The following PRKAR1A variants were observed in gnomAD, a reference collection of about 807,000 sequenced individuals.
PRKAR1A encodes protein kinase cAMP-dependent type I regulatory subunit alpha, also known as cAMP-dependent protein kinase type I-alpha regulatory subunit.
Under a neutral mutation model 52.0 loss-of-function variants are expected in PRKAR1A, and 3 were observed. The observed-to-expected ratio is 0.06, with a 90% CI of 0.03 to 0.15. PRKAR1A has a LOEUF of 0.15. PRKAR1A is among the 10% of genes least tolerant of loss of function. PRKAR1A has a pLI of 1.00. For synonymous variants in PRKAR1A, 188 were observed against 168.4 expected, an observed-to-expected ratio of 1.12 and a Z score of -0.90; for missense variants, 240 against 477.4, an observed-to-expected ratio of 0.50 and a Z score of 4.63.
chr17:68,427,318 CA>C, the PRKAR1A span: 1 of 1,249,118 alleles, frequency 8.0e-7, no homozygotes, highest in Non-Finnish European at 1.2e-6. Context: ...GGACACCTTC[CA>C]AAGGAAAAGC....
chr17:68,434,535 G>A, the PRKAR1A span: 2 of 1,613,172 alleles, frequency 1.2e-6, no homozygotes, highest in African/African-American at 1.3e-5. Flanking sequence ...CTTTAAAATG[G>A]GTTTGACATT....
chr17:68,442,738 A>AG, the PRKAR1A span, among the ~76,000 whole-genome samples: 1 of 152,158 alleles, frequency 6.6e-6, no homozygotes, highest in Non-Finnish European at 1.5e-5. Flanking sequence ...TCCTGATCAG[A>AG]AGAGCACATG....
the PRKAR1A span, among the ~76,000 whole-genome samples, chr17:68,487,026 A>G: frequency 2.3e-4 from 35 of 152,004 alleles, no homozygotes; most frequent in African/African-American, 8.5e-4. Context: ...GGTTTCTGCC[A>G]CCGCACCCGG....
intron 1 of PRKAR1A, chr17:68,515,137 C>T (rs1347714183): frequency 2.0e-6 from 1 of 490,774 alleles, no homozygotes; most frequent in East Asian, 3.8e-5. Context: ...GCTCATACTT[C>T]CTCCCAGGAG....
At chr17:68,457,138 CTG>C in the PRKAR1A span, among the ~76,000 whole-genome samples, 1 of 151,370 alleles carries the variant, frequency 6.6e-6, no homozygotes, top group Admixed American at 6.6e-5. Context: ...TGGGAGGACA[CTG>C]GGAGTGGGGT....
At chr17:68,546,337 C>T (rs746798115) in intron 11 of PRKAR1A, among the ~76,000 whole-genome samples, 2 of 152,048 alleles carry the variant, frequency 1.3e-5, no homozygotes, top group Non-Finnish European at 2.9e-5. Context: ...CCCTCAAAGT[C>T]ATCCATGGGG....
chr17:68,474,391 C>T, the PRKAR1A span, among the ~76,000 whole-genome samples: 2 of 152,080 alleles, frequency 1.3e-5, no homozygotes, highest in African/African-American at 4.8e-5. Flanking sequence ...CGTTGGACTC[C>T]CCAGGCGTGT....
chr17:68,421,873 G>C, the PRKAR1A span: 1 of 1,610,708 alleles, frequency 6.2e-7, no homozygotes, highest in African/African-American at 1.3e-5. Flanking sequence ...AGGCTGGTAG[G>C]CAGGTGCATT....
intron 1 of PRKAR1A, 138 bp downstream of exon 1, chr17:68,512,686 G>T (rs1273957277): frequency 6.6e-6 from 1 of 152,236 alleles, no homozygotes; most frequent in Admixed American, 6.6e-5. Context: ...CCCCTCCCCG[G>T]CCCGGCGGGC....
At chr17:68,443,595 G>A in the PRKAR1A span, among the ~76,000 whole-genome samples, 1 of 152,196 alleles carries the variant, frequency 6.6e-6, no homozygotes, top group East Asian at 1.9e-4. Flanking sequence ...CCAACCCTGG[G>A]AGATGGGTAT....
chr17:68,510,195 G>GAGAGAGAGAGAGAGAGAT (rs1164168629), upstream of PRKAR1A, among the ~76,000 whole-genome samples: 2 of 148,652 alleles, frequency 1.3e-5, no homozygotes, highest in South Asian at 2.1e-4. Context: ...GAGAGAGAGA[G>GAGAGAGAGAGAGAGAGAT]ATCTATCTAT....
the PRKAR1A span, among the ~76,000 whole-genome samples, chr17:68,485,829 C>A: frequency 2.0e-5 from 3 of 152,108 alleles, no homozygotes; most frequent in Admixed American, 2.0e-4. Flanking sequence ...GCCTCCACCC[C>A]CTGGGTTAAA....
chr17:68,522,958 C>T (rs1353248032), intron 3 of PRKAR1A, 32 bp downstream of exon 3: 6 of 1,610,406 alleles, frequency 3.7e-6, no homozygotes, highest in Admixed American at 3.3e-5. Context: ...CGGGGGGATG[C>T]TTTTGGGACC....
At chr17:68,538,483 C>T (rs1286988973) in intron 11 of PRKAR1A, among the ~76,000 whole-genome samples, 1 of 152,248 alleles carries the variant, frequency 6.6e-6, no homozygotes, top group Non-Finnish European at 1.5e-5. Flanking sequence ...ATAATTAGCT[C>T]TGCATACTGC....
the PRKAR1A span, chr17:68,427,231 CTGT>C: frequency 5.6e-5 from 91 of 1,614,122 alleles, no homozygotes; most frequent in African/African-American, 8.0e-4. Flanking sequence ...TTATTCTCTT[CTGT>C]TGTTCCTGAG....
the PRKAR1A span, among the ~76,000 whole-genome samples, chr17:68,425,684 A>G: frequency 3.9e-5 from 6 of 152,286 alleles, no homozygotes; most frequent in African/African-American, 1.4e-4. Context: ...AGCACAAGGA[A>G]GGCAGCATTC....
chr17:68,472,566 A>G, the PRKAR1A span, among the ~76,000 whole-genome samples: 1 of 152,228 alleles, frequency 6.6e-6, no homozygotes, highest in Non-Finnish European at 1.5e-5. Context: ...TTTTATTTCT[A>G]AATAAAATGT....
intron 11 of PRKAR1A, chr17:68,543,541 G>T: frequency 8.8e-7 from 1 of 1,137,034 alleles, no homozygotes; most frequent in South Asian, 1.2e-5. Context: ...AAATGCCAGG[G>T]AGTTCCCACC....
upstream of PRKAR1A, among the ~76,000 whole-genome samples, chr17:68,508,772 C>T (rs1464335599): frequency 1.3e-5 from 2 of 152,030 alleles, no homozygotes; most frequent in Admixed American, 6.6e-5. Flanking sequence ...CCAAGTTTGC[C>T]ACCCTTCTGG....
Sources: gnomAD v4.1 joint callset for allele counts (sites outside exome capture counted in the v4.1 genomes callset) on GRCh38, gnomAD v4.1.1 for gene constraint, MANE v1.5 for transcripts, NCBI Gene and HGNC (gene_info 2026-07-23, HGNC 2026-07-21) for gene names.